The following KCTD8 variants were observed in gnomAD, a reference collection of about 807,000 sequenced individuals.
The protein encoded by KCTD8 is potassium channel tetramerization domain containing 8, also known as BTB/POZ domain-containing protein KCTD8.
Under a neutral mutation model 31.5 loss-of-function variants are expected in KCTD8, and 27 were observed. The ratio of observed to expected loss-of-function variants is 0.86; its 90% confidence interval spans 0.63 to 1.18. KCTD8 has a LOEUF of 1.18. Ranked by LOEUF, KCTD8 falls within the 50% of genes most tolerant of loss-of-function variation. The probability of loss-of-function intolerance (pLI) is 0.00; values close to 1 mark genes in which losing one functional copy is unlikely to be tolerated. For missense variants in KCTD8, 658 were observed against 647.7 expected, an observed-to-expected ratio of 1.02 and a Z score of -0.17; for synonymous variants, 290 against 280.0, an observed-to-expected ratio of 1.04 and a Z score of -0.36.
chr4:44,373,734 TC>T (rs1719849891), intron 1 of KCTD8, among the ~76,000 whole-genome samples: 1 of 152,122 alleles, frequency 6.6e-6, no homozygotes, highest in Non-Finnish European at 1.5e-5. Context: ...GATTGTTTTT[TC>T]CCATCTTATT....
At chr4:44,356,025 C>T (rs952616443) in intron 1 of KCTD8, among the ~76,000 whole-genome samples, 5 of 152,106 alleles carry the variant, frequency 3.3e-5, no homozygotes, top group African/African-American at 1.2e-4. Context: ...AACAAGTGCA[C>T]ACACATATTC....
intron 1 of KCTD8, among the ~76,000 whole-genome samples, chr4:44,356,506 C>T (rs991969156): frequency 2.6e-5 from 4 of 152,102 alleles, no homozygotes; most frequent in African/African-American, 9.7e-5. Context: ...CGGAGTCTTG[C>T]TCTGTTGCCC....
intron 1 of KCTD8, among the ~76,000 whole-genome samples, chr4:44,388,030 C>T (rs1720267905): frequency 6.8e-6 from 1 of 147,930 alleles, no homozygotes; most frequent in Admixed American, 6.7e-5. Flanking sequence ...AAAAAAAAAC[C>T]TCATAAAAAA....
intron 1 of KCTD8, among the ~76,000 whole-genome samples, chr4:44,181,165 C>T (rs1713372169): frequency 6.6e-6 from 1 of 151,118 alleles, no homozygotes; most frequent in African/African-American, 2.4e-5. Context: ...CTCTCCCTCT[C>T]CCTCTCCCCA....
At chr4:44,365,058 A>C (rs182487890) in intron 1 of KCTD8, among the ~76,000 whole-genome samples, 125 of 152,252 alleles carry the variant, frequency 8.2e-4, no homozygotes, top group Non-Finnish European at 1.5e-3. Flanking sequence ...ACCTTATAAT[A>C]AACTATGGAC....
In KCTD8 at chr4:44,175,027, T is replaced by C; in HGVS notation, c.1185A>G (p.Lys395=). 1 of 1,614,042 alleles carries C rather than the reference T, an allele frequency of 6.2e-7. No homozygotes were observed. The highest frequency in any genetic ancestry group is 8.5e-7 in the Non-Finnish European group (1 of 1,179,982). Reference sequence around the variant, plus strand: ...GTGGGGGTATCCATTGTACAGGTGCTTTTTTAGAGGGGCGATCCAATGTTA... The same window carrying C: ...GTGGGGGTATCCATTGTACAGGTGCCTTTTTAGAGGGGCGATCCAATGTTA... ...NTLTLDRPSK[K]APVQWIPPPD... The change falls in exon 2 of 2, where the codon AAA becomes AAG. Residue 395 remains lysine (K), a synonymous_variant. Transcript: ENST00000360029.
At chr4:44,285,653 C>T (rs190454924) in intron 1 of KCTD8, among the ~76,000 whole-genome samples, 1 of 152,144 alleles carries the variant, frequency 6.6e-6, no homozygotes, top group East Asian at 1.9e-4. Flanking sequence ...TGACATTGCA[C>T]TTAGTTACTC....
chr4:44,279,910 C>A (rs1560414211), intron 1 of KCTD8, among the ~76,000 whole-genome samples: 1 of 151,986 alleles, frequency 6.6e-6, no homozygotes, highest in African/African-American at 2.4e-5. Flanking sequence ...ATTTTGATCT[C>A]ATTCATACAG....
chr4:44,257,463 G>C (rs1716022432), intron 1 of KCTD8, among the ~76,000 whole-genome samples: 1 of 151,804 alleles, frequency 6.6e-6, no homozygotes, highest in South Asian at 2.1e-4. Context: ...TGTCCCTTAG[G>C]GCACTGTTTT....
intron 1 of KCTD8, among the ~76,000 whole-genome samples, chr4:44,371,574 G>A (rs1051660803): frequency 6.6e-6 from 1 of 152,176 alleles, no homozygotes; most frequent in Middle Eastern, 3.4e-3. Flanking sequence ...AAGCATTGGA[G>A]GCTATTCCCA....
At chr4:44,328,894 G>A (rs1315945749) in intron 1 of KCTD8, among the ~76,000 whole-genome samples, 2 of 151,846 alleles carry the variant, frequency 1.3e-5, no homozygotes, top group Non-Finnish European at 2.9e-5. Flanking sequence ...GAGTACAAGG[G>A]GAAGGAAAAC....
At chr4:44,370,080 T>C (rs955044046) in intron 1 of KCTD8, among the ~76,000 whole-genome samples, 9 of 152,196 alleles carry the variant, frequency 5.9e-5, no homozygotes, top group South Asian at 2.1e-4. Context: ...TTAGATATCA[T>C]GGTTGAGTTC....
At chr4:44,270,295 A>G (rs1465847328) in intron 1 of KCTD8, among the ~76,000 whole-genome samples, 1 of 151,150 alleles carries the variant, frequency 6.6e-6, no homozygotes, top group Non-Finnish European at 1.5e-5. Context: ...ACAAGGACAA[A>G]AAACCAAACA....
chr4:44,223,973 A>G (rs1714878385), intron 1 of KCTD8, among the ~76,000 whole-genome samples: 1 of 152,202 alleles, frequency 6.6e-6, no homozygotes, highest in Non-Finnish European at 1.5e-5. Context: ...AAGTTTGCAG[A>G]TACCTAATTT....
At chr4:44,232,469 T>A (rs1715150307) in intron 1 of KCTD8, among the ~76,000 whole-genome samples, 2 of 152,146 alleles carry the variant, frequency 1.3e-5, no homozygotes, top group African/African-American at 4.8e-5. Flanking sequence ...AATCAGCCTA[T>A]GGAGCCTAAC....
chr4:44,295,233 C>T (rs1717393788), intron 1 of KCTD8, among the ~76,000 whole-genome samples: 1 of 152,082 alleles, frequency 6.6e-6, no homozygotes, highest in Non-Finnish European at 1.5e-5. Context: ...GAATTAGAGG[C>T]CTCAGTGAGC....
intron 1 of KCTD8, among the ~76,000 whole-genome samples, chr4:44,260,482 G>C (rs1296641056): frequency 6.6e-6 from 1 of 151,900 alleles, no homozygotes; most frequent in Non-Finnish European, 1.5e-5. Flanking sequence ...GAAAAAATAA[G>C]TCAGAGTAAG....
intron 1 of KCTD8, among the ~76,000 whole-genome samples, chr4:44,357,290 T>C (rs1719368722): frequency 6.6e-6 from 1 of 152,168 alleles, no homozygotes; most frequent in South Asian, 2.1e-4. Flanking sequence ...GCCTTTGTCT[T>C]TCTTTGCGAG....
chr4:44,403,435 A>T (rs1329735854), intron 1 of KCTD8, among the ~76,000 whole-genome samples: 4 of 152,074 alleles, frequency 2.6e-5, no homozygotes, highest in Middle Eastern at 3.4e-3. Context: ...ATTAAAAAAA[A>T]AAAAAAAACA....
Sources: gnomAD v4.1 joint callset for allele counts (sites outside exome capture counted in the v4.1 genomes callset) on GRCh38, gnomAD v4.1.1 for gene constraint, MANE v1.5 for transcripts, NCBI Gene and HGNC (gene_info 2026-07-23, HGNC 2026-07-21) for gene names.